The following TLE4 variants were observed in gnomAD, a reference collection of about 807,000 sequenced individuals.
TLE4 encodes the protein TLE family member 4, transcriptional corepressor.
TLE4 carries 8 observed loss-of-function variants against 92.8 expected under a neutral mutation model. The observed-to-expected ratio is 0.09, with a 90% CI of 0.05 to 0.16. The LOEUF (loss-of-function observed/expected upper bound fraction) is 0.16. TLE4 is among the 10% of genes least tolerant of loss of function. The probability of loss-of-function intolerance (pLI) is 1.00; values close to 1 mark genes in which losing one functional copy is unlikely to be tolerated. For synonymous variants in TLE4, 371 were observed against 374.1 expected (o/e 0.99, Z 0.10); for missense variants, 675 against 997.6 (o/e 0.68, Z 4.36).
intron 8 of TLE4, among the ~76,000 whole-genome samples, chr9:79,678,816 C>G (rs2063815948): frequency 1.3e-5 from 2 of 151,498 alleles, no homozygotes; most frequent in South Asian, 4.2e-4. Context: ...GTTCCCCTTC[C>G]TGTGTCCATG....
chr9:79,711,838 T>C (rs1249326178), intron 14 of TLE4, among the ~76,000 whole-genome samples: 1 of 152,178 alleles, frequency 6.6e-6, no homozygotes, highest in Non-Finnish European at 1.5e-5. Flanking sequence ...AATTTTTGTT[T>C]ATGAGAGTGA....
intron 6 of TLE4, among the ~76,000 whole-genome samples, chr9:79,634,137 A>C (rs1031151435): frequency 1.3e-5 from 2 of 152,182 alleles, no homozygotes; most frequent in African/African-American, 4.8e-5. Flanking sequence ...TTTCACCAAT[A>C]TCCTATTAAA....
Position 79,665,339 on chromosome 9 carries a change from A to G in TLE4, c.609+11264A>G, listed in dbSNP as rs115675771. Among the ~76,000 whole-genome samples, 739 of 152,340 alleles carry G rather than the reference A, an allele frequency of 4.9e-3. 2 individuals are homozygous for G. The highest frequency in any genetic ancestry group is 0.017 in the Middle Eastern group (5 of 294). ...CAGGCCTGTACTGCATTGGGGGTGC[A>G]CAGTAAAGATTAGATACAATCCCTT... is the stretch of plus-strand genomic sequence containing the variant. On this transcript the variant is annotated intron_variant, in intron 8 of 19. Transcript: ENST00000376552.
chr9:79,637,014 G>T (rs2056036169), intron 6 of TLE4, among the ~76,000 whole-genome samples: 2 of 115,390 alleles, frequency 1.7e-5, no homozygotes, highest in African/African-American at 9.6e-5. Context: ...AAAATATACA[G>T]TTCTGGGTTT....
At chr9:79,684,851 C>G (rs895845468) in intron 8 of TLE4, among the ~76,000 whole-genome samples, 3 of 152,188 alleles carry the variant, frequency 2.0e-5, no homozygotes, top group Admixed American at 2.0e-4. Context: ...AGTCTAGCAT[C>G]AGTGACAGAG....
intron 4 of TLE4, among the ~76,000 whole-genome samples, chr9:79,604,169 G>A (rs1484871244): frequency 3.3e-5 from 5 of 152,284 alleles, no homozygotes; most frequent in African/African-American, 1.2e-4. Flanking sequence ...GGAGTGTCCT[G>A]TGGGCTGAGA....
chr9:79,674,471 A>T (rs2062927769), intron 8 of TLE4, among the ~76,000 whole-genome samples: 4 of 152,138 alleles, frequency 2.6e-5, no homozygotes, highest in African/African-American at 9.7e-5. Context: ...ACCTTACTTG[A>T]TGTAGGCAAA....
chr9:79,677,857 A>G (rs1437904493), intron 8 of TLE4, among the ~76,000 whole-genome samples: 1 of 152,064 alleles, frequency 6.6e-6, no homozygotes, highest in African/African-American at 2.4e-5. Flanking sequence ...GGGTGGTGTA[A>G]GAGATTCTAC....
At chr9:79,575,543 A>G (rs892086561) in intron 3 of TLE4, among the ~76,000 whole-genome samples, 2 of 152,168 alleles carry the variant, frequency 1.3e-5, no homozygotes, top group Non-Finnish European at 2.9e-5. Context: ...CAGAATTTCT[A>G]TGCCAGTTAT....
At chr9:79,724,642 G>A (rs7039086) in intron 19 of TLE4, among the ~76,000 whole-genome samples, 15,729 of 151,692 alleles carry the variant, frequency 0.1, 918 homozygotes, top group African/African-American at 0.14. Context: ...CCAGGAGTTC[G>A]AGACCAGCCT....
intron 8 of TLE4, among the ~76,000 whole-genome samples, chr9:79,693,120 T>C (rs561844686): frequency 6.6e-6 from 1 of 152,322 alleles, no homozygotes; most frequent in Non-Finnish European, 1.5e-5. Flanking sequence ...CTGTTGTGTT[T>C]CCAGTGTCTA....
chr9:79,696,200 A>G (rs925522695), intron 8 of TLE4, among the ~76,000 whole-genome samples: 2 of 152,230 alleles, frequency 1.3e-5, no homozygotes, highest in Non-Finnish European at 2.9e-5. Flanking sequence ...GTGTATTGAC[A>G]TGGTATTTTT....
chr9:79,667,509 CAT>C (rs533254871), intron 8 of TLE4, among the ~76,000 whole-genome samples: 171 of 152,246 alleles, frequency 1.1e-3, no homozygotes, highest in Admixed American at 2.9e-3. Context: ...TACATATACA[CAT>C]ATATATATGT....
chr9:79,586,347 G>A (rs1221146744), intron 4 of TLE4, among the ~76,000 whole-genome samples: 1 of 151,066 alleles, frequency 6.6e-6, no homozygotes, highest in Non-Finnish European at 1.5e-5. Flanking sequence ...TGACGTCAGA[G>A]CAAGACTCTG....
intron 9 of TLE4, among the ~76,000 whole-genome samples, chr9:79,705,210 C>T (rs569151522): frequency 6.6e-6 from 1 of 152,262 alleles, no homozygotes; most frequent in South Asian, 2.1e-4. Flanking sequence ...CTGTGGTTAG[C>T]TGGAATTGTT....
intron 6 of TLE4, among the ~76,000 whole-genome samples, chr9:79,636,645 C>G (rs186555299): frequency 5.9e-5 from 9 of 152,252 alleles, no homozygotes; most frequent in Non-Finnish European, 1.2e-4. Flanking sequence ...GAAGGACTTT[C>G]TTGGCTGGCA....
chr9:79,705,874 C>T lies in TLE4; in HGVS notation c.730-15C>T. Reference sequence around the variant, plus strand: ...TGTGAGGGGAGAAGATAATGCTTCTCACTTGTCAATGCAGGACAGCGATGG... The same window carrying T: ...TGTGAGGGGAGAAGATAATGCTTCTTACTTGTCAATGCAGGACAGCGATGG... On this transcript the variant is annotated splice_polypyrimidine_tract_variant and intron_variant, in intron 9 of 19. Coordinates refer to ENST00000376552, the MANE Select transcript of TLE4 (RefSeq NM_007005.6). 6.2e-7 allele frequency: 1 copy of T among 1,614,026 alleles called. No homozygotes were observed. Among genetic ancestry groups the T allele is most frequent in the Non-Finnish European group, 8.5e-7 (1 of 1,179,924 alleles).
chr9:79,631,617 TG>T lies in TLE4; in HGVS notation c.390+4170del, dbSNP rs1370120992. On this transcript the variant is annotated intron_variant, in intron 6 of 19. Transcript: ENST00000376552. The stretch of plus-strand genomic sequence containing the variant: ...CCTTGTCATATGATTGAACCTTAAA[TG>T]TGTGTGTGTGTGTGTGTGTGTGTGT... Among the ~76,000 whole-genome samples the T allele has an allele frequency of 3.1e-3, 12 of 3,912 alleles. No individual in the cohort carries two copies. In the East Asian group the frequency reaches 0.062, roughly 20 times the overall value. 2.6% of individuals were successfully genotyped at this position (3,912 alleles called of 152,430 possible). A position where few individuals can be genotyped will look rare whatever the true frequency, so the allele number is the denominator to read the frequency against.
At chr9:79,609,350 T>C (rs1453229143) in intron 4 of TLE4, among the ~76,000 whole-genome samples, 1 of 152,104 alleles carries the variant, frequency 6.6e-6, no homozygotes, top group African/African-American at 2.4e-5. Context: ...TTTTTTGTCT[T>C]TACATTTTTC....
Sources: gnomAD v4.1 joint callset for allele counts (sites outside exome capture counted in the v4.1 genomes callset) on GRCh38, gnomAD v4.1.1 for gene constraint, MANE v1.5 for transcripts, NCBI Gene and HGNC (gene_info 2026-07-23, HGNC 2026-07-21) for gene names.